SLC39A11: variants seen among roughly 807,000 people sequenced by gnomAD.
SLC39A11 encodes the protein solute carrier family 39 member 11.
A neutral mutation model predicts 36.1 loss-of-function variants in SLC39A11; 33 were observed. That is an observed-to-expected ratio of 0.91 (90% CI 0.69 to 1.22). SLC39A11 has a LOEUF of 1.22. Among genes scored for constraint, SLC39A11 ranks in the 50% most tolerant of loss-of-function variants. SLC39A11 has a pLI of 0.00. For synonymous variants in SLC39A11, 166 were observed against 170.3 expected (o/e 0.97, Z 0.20); for missense variants, 432 against 430.3 (o/e 1.00, Z -0.03).
At chr17:72,678,879 A>G (rs1285077162) in intron 7 of SLC39A11, among the ~76,000 whole-genome samples, 1 of 152,208 alleles carries the variant, frequency 6.6e-6, no homozygotes, top group Non-Finnish European at 1.5e-5. Context: ...ACCTGTGTTC[A>G]TCAAGAGAAA....
chr17:73,073,595 A>G (rs1014907096), intron 3 of SLC39A11: 1 of 152,250 alleles, frequency 6.6e-6, no homozygotes, highest in Non-Finnish European at 1.5e-5. Context: ...TGCAAAGAAT[A>G]GAACCTTGGA....
At chr17:72,681,963 G>A (rs1037248397) in intron 7 of SLC39A11, among the ~76,000 whole-genome samples, 5 of 152,140 alleles carry the variant, frequency 3.3e-5, no homozygotes, top group South Asian at 2.1e-4. Flanking sequence ...GGAGATGGGC[G>A]GCAGGCAAGC....
At chr17:72,702,411 G>A (rs2072690997) in intron 7 of SLC39A11, among the ~76,000 whole-genome samples, 1 of 152,158 alleles carries the variant, frequency 6.6e-6, no homozygotes, top group African/African-American at 2.4e-5. Context: ...GTCACAACTA[G>A]GGGGAAGGCA....
Position 72,895,247 on chromosome 17 carries a change from T to A in SLC39A11, c.431-45443A>T, listed in dbSNP as rs115189876. On this transcript the variant is annotated intron_variant, in intron 5 of 9. Coordinates refer to ENST00000255559, the MANE Select transcript of SLC39A11 (RefSeq NM_139177.4). ...TGGAAAATCATTCCTGAGATGTTAG[T>A]GCACAGGAAGAAGAAAACAGCCCTA... is the stretch of plus-strand genomic sequence containing the variant. Among the ~76,000 whole-genome samples, 633 of 152,176 alleles carry A rather than the reference T, an allele frequency of 4.2e-3. 5 individuals carry two copies. The highest frequency in any genetic ancestry group is 0.012 in the African/African-American group (510 of 41,514).
At chr17:72,742,202 C>CA (rs34639707) in intron 6 of SLC39A11, among the ~76,000 whole-genome samples, 124,032 of 150,248 alleles carry the variant, frequency 0.83, 51,938 homozygotes, top group African/African-American at 0.89. Context: ...GACTCCATCT[C>CA]AAAAAAAAAG....
intron 6 of SLC39A11, among the ~76,000 whole-genome samples, chr17:72,785,291 T>C (rs370138163): frequency 3.9e-5 from 6 of 152,220 alleles, no homozygotes; most frequent in African/African-American, 1.4e-4. Context: ...AGGTTTTCTC[T>C]CCTCTCTCAT....
At chr17:73,089,186 A>T (rs945901498) in intron 1 of SLC39A11, among the ~76,000 whole-genome samples, 1 of 152,022 alleles carries the variant, frequency 6.6e-6, no homozygotes, top group African/African-American at 2.4e-5. Flanking sequence ...TCCACCAAAG[A>T]CAGGTGACTA....
intron 7 of SLC39A11, among the ~76,000 whole-genome samples, chr17:72,712,356 C>T (rs1175507461): frequency 6.6e-6 from 1 of 152,162 alleles, no homozygotes; most frequent in Non-Finnish European, 1.5e-5. Flanking sequence ...AAGGTATTTA[C>T]CAAACACTAG....
chr17:72,960,102 T>A (rs2147909333), intron 4 of SLC39A11, among the ~76,000 whole-genome samples: 1 of 152,364 alleles, frequency 6.6e-6, no homozygotes, highest in East Asian at 1.9e-4. Context: ...GATGAACTTT[T>A]AGGGGACAGT....
At chr17:72,989,418 A>G (rs933415479) in intron 4 of SLC39A11, among the ~76,000 whole-genome samples, 81 of 152,358 alleles carry the variant, frequency 5.3e-4, no homozygotes, top group African/African-American at 1.9e-3. Flanking sequence ...ATCATCCCTT[A>G]TAACATAACA....
chr17:72,959,323 G>GTGTGTGTGTA (rs2086451028), intron 4 of SLC39A11, among the ~76,000 whole-genome samples: 1 of 81,474 alleles, frequency 1.2e-5, no homozygotes, highest in African/African-American at 4.7e-5. Context: ...GTGTGTGTGT[G>GTGTGTGTGTA]TGTATATATA....
rs114453591 is a variant in SLC39A11, at chr17:73,031,117, C to T, written c.306+439G>A. The stretch of plus-strand genomic sequence containing the variant: ...CAGCCCAGACCCCTGCTGCACAGAG[C>T]CCTGCCTCACCCTCCTGTCAGCCCT... On this transcript the variant is annotated intron_variant, in intron 4 of 9. Transcript: ENST00000255559. 5.2e-3 allele frequency among the ~76,000 whole-genome samples: 797 copies of T among 152,260 alleles called. 6 individuals carry two copies. Among genetic ancestry groups the T allele is most frequent in the African/African-American group, 0.017 (704 of 41,538 alleles).
intron 5 of SLC39A11, among the ~76,000 whole-genome samples, chr17:72,859,804 C>T (rs1036308775): frequency 1.1e-4 from 15 of 136,296 alleles, no homozygotes; most frequent in African/African-American, 2.0e-4. Context: ...CTGGCTAACA[C>T]GGTGAAACCC....
At chr17:73,088,871 C>T in intron 1 of SLC39A11, 96 bp from the exon 2 acceptor site, 3 of 887,496 alleles carry the variant, frequency 3.4e-6, no homozygotes, top group Non-Finnish European at 5.4e-6. Flanking sequence ...GGGAGCTGGC[C>T]TCCCTCCAGG....
intron 7 of SLC39A11, among the ~76,000 whole-genome samples, chr17:72,686,619 C>T (rs547572678): frequency 1.9e-4 from 29 of 152,286 alleles, no homozygotes; most frequent in East Asian, 3.9e-4. Context: ...GGCCTCTGCC[C>T]GTCTCTTCCC....
At chr17:72,918,394 C>T (rs1327334691) in intron 5 of SLC39A11, among the ~76,000 whole-genome samples, 7 of 151,722 alleles carry the variant, frequency 4.6e-5, no homozygotes, top group African/African-American at 1.5e-4. Context: ...GGGCGACAAG[C>T]GTGAAACTCC....
At chr17:72,680,469 A>G (rs939977547) in intron 7 of SLC39A11, among the ~76,000 whole-genome samples, 4 of 152,202 alleles carry the variant, frequency 2.6e-5, no homozygotes, top group Admixed American at 2.6e-4. Context: ...ATGATAGTGA[A>G]TAAGTCTCAT....
chr17:72,852,229 CAGAA>C (rs991573051), intron 5 of SLC39A11, among the ~76,000 whole-genome samples: 6 of 82,464 alleles, frequency 7.3e-5, no homozygotes, highest in East Asian at 6.6e-4. Flanking sequence ...AAAAAAAAAA[CAGAA>C]AGAAAGAAAG....
intron 4 of SLC39A11, among the ~76,000 whole-genome samples, chr17:72,984,994 T>C (rs917192705): frequency 5.3e-5 from 8 of 152,202 alleles, no homozygotes; most frequent in Non-Finnish European, 1.2e-4. Flanking sequence ...CAAAGAATTC[T>C]CCCCTCCAAA....
Sources: gnomAD v4.1 joint callset for allele counts (sites outside exome capture counted in the v4.1 genomes callset) on GRCh38, gnomAD v4.1.1 for gene constraint, MANE v1.5 for transcripts, NCBI Gene and HGNC (gene_info 2026-07-23, HGNC 2026-07-21) for gene names.